Variants in INSL6 observed in about 807,000 individuals in gnomAD.
INSL6 encodes the protein insulin like 6.
In INSL6, 16 loss-of-function variants were observed where a neutral mutation model predicts 9.4. The observed-to-expected ratio is 1.70, with a 90% confidence interval of 1.15 to 2.59. INSL6 has a LOEUF of 2.59. INSL6 is among the 30% of genes most tolerant of loss of function. The probability of loss-of-function intolerance (pLI) is 0.00; values close to 1 mark genes in which losing one functional copy is unlikely to be tolerated. For missense variants in INSL6, 391 were observed against 257.3 expected, an observed-to-expected ratio of 1.52 and a Z score of -3.56; for synonymous variants, 154 against 96.9, an observed-to-expected ratio of 1.59 and a Z score of -3.46.
chr9:5,089,080 C>G, the INSL6 span, among the ~76,000 whole-genome samples: 5 of 152,286 alleles, frequency 3.3e-5, no homozygotes, highest in African/African-American at 9.6e-5. Flanking sequence ...TGTCCCTTGG[C>G]TTATCTTGAC....
the INSL6 span, among the ~76,000 whole-genome samples, chr9:4,998,252 C>T: frequency 6.6e-5 from 10 of 151,948 alleles, no homozygotes; most frequent in African/African-American, 1.9e-4. Context: ...AAAACTCCAA[C>T]GGGTTTTTTT....
downstream of INSL6, among the ~76,000 whole-genome samples, chr9:5,161,125 A>C (rs980298855): frequency 1.3e-5 from 2 of 152,188 alleles, no homozygotes; most frequent in African/African-American, 4.8e-5. Flanking sequence ...AAACAAAGGC[A>C]CATCAAAAAA....
the INSL6 span, among the ~76,000 whole-genome samples, chr9:5,013,665 T>C: frequency 5.3e-5 from 8 of 152,238 alleles, no homozygotes; most frequent in African/African-American, 1.7e-4. Flanking sequence ...AAAATTCTAT[T>C]TTCCTTTTAA....
At chr9:5,014,568 A>G in the INSL6 span, among the ~76,000 whole-genome samples, 1 of 152,198 alleles carries the variant, frequency 6.6e-6, no homozygotes, top group Non-Finnish European at 1.5e-5. Flanking sequence ...TGGTTGGAGC[A>G]GGGACTGATG....
At chr9:5,104,720 C>G in the INSL6 span, among the ~76,000 whole-genome samples, 3 of 152,166 alleles carry the variant, frequency 2.0e-5, no homozygotes, top group African/African-American at 7.2e-5. Context: ...ACGATCAAGT[C>G]GGCTTCATCC....
chr9:5,063,125 A>G, the INSL6 span, among the ~76,000 whole-genome samples: 1 of 152,034 alleles, frequency 6.6e-6, no homozygotes, highest in Non-Finnish European at 1.5e-5. Flanking sequence ...TGAGGACTCT[A>G]TTCTGTGTTC....
At chr9:5,165,272 A>G (rs1429978146) in intron 1 of INSL6, among the ~76,000 whole-genome samples, 3 of 152,196 alleles carry the variant, frequency 2.0e-5, no homozygotes, top group East Asian at 3.8e-4. Flanking sequence ...TTGTGTGAAC[A>G]TATGTTTTGA....
chr9:5,080,750 C>G, the INSL6 span: 1 of 1,227,214 alleles, frequency 8.1e-7, no homozygotes, highest in Non-Finnish European at 1.1e-6. Context: ...TGAATCATTA[C>G]TAATTTTTAA....
chr9:5,093,765 A>ATAAT, the INSL6 span, among the ~76,000 whole-genome samples: 1 of 152,160 alleles, frequency 6.6e-6, no homozygotes, highest in Non-Finnish European at 1.5e-5. Flanking sequence ...TATCATATCA[A>ATAAT]TAATAGGGTT....
At chr9:5,176,733 A>G (rs908794661) in intron 1 of INSL6, among the ~76,000 whole-genome samples, 9 of 143,748 alleles carry the variant, frequency 6.3e-5, no homozygotes, top group Admixed American at 4.8e-4. Context: ...AAAAAAAAAA[A>G]TGGTATAAGT....
Position 5,164,241 on chromosome 9 carries a change from ACTG to A in INSL6, c.311_313del (p.Ala104del). 1 of 1,606,352 alleles carries A rather than the reference ACTG, an allele frequency of 6.2e-7. No homozygotes were observed. The highest frequency in any genetic ancestry group is 8.5e-7 in the Non-Finnish European group (1 of 1,177,086). On this transcript the variant is annotated inframe_deletion, in exon 2 of 2. Coordinates refer to ENST00000381641, the MANE Select transcript of INSL6 (RefSeq NM_007179.3). Reference sequence around the variant, plus strand: ...TAGTGACTGCATTTCCCAACTGTTTACTGCTTCTTCCCAAGAAGTAGACACTGT... The same window carrying A: ...TAGTGACTGCATTTCCCAACTGTTTACTTCTTCCCAAGAAGTAGACACTGT...
chr9:5,067,333 A>G, the INSL6 span, among the ~76,000 whole-genome samples: 1 of 152,190 alleles, frequency 6.6e-6, no homozygotes, highest in African/African-American at 2.4e-5. Flanking sequence ...CACTGTTAAT[A>G]CAGATCATTT....
chr9:5,054,798 A>G, the INSL6 span: 2 of 1,613,124 alleles, frequency 1.2e-6, no homozygotes, highest in Admixed American at 1.7e-5. This position sits in a 1 kb window ranked among gnomAD's most constrained non-coding sequence, Gnocchi z 4.9. Flanking sequence ...AGGTGAGGAG[A>G]TTTTTGCAAC....
the INSL6 span, among the ~76,000 whole-genome samples, chr9:5,092,218 CAAG>C: frequency 2.0e-5 from 3 of 152,070 alleles, no homozygotes; most frequent in African/African-American, 7.2e-5. Flanking sequence ...TCTAAGGGCT[CAAG>C]GAGGATTTAG....
chr9:5,079,856 G>A, the INSL6 span, among the ~76,000 whole-genome samples: 1 of 151,866 alleles, frequency 6.6e-6, no homozygotes. Flanking sequence ...TAAAACTAAT[G>A]GAAAGAGGTT....
rs117699983 is a variant in INSL6 at position 5,138,597 on chromosome 9, G to A, written c.377-5005C>T. Among the ~76,000 whole-genome samples the A allele has an allele frequency of 2.6e-4, 40 of 151,952 alleles. 1 individual carries two copies. In the East Asian group the frequency reaches 4.1e-3, roughly 15 times the overall value. On this transcript the variant is annotated intron_variant, in intron 2 of 3. Transcript: ENST00000649639. ...GGCCTGTTGGGCAGTGGGGGGCTAGGGAGCTATTGCATTAGGAGAAATGCC... is the reference window on the plus strand; with the variant it reads ...GGCCTGTTGGGCAGTGGGGGGCTAGAGAGCTATTGCATTAGGAGAAATGCC...
At chr9:5,097,293 C>G in the INSL6 span, 9 of 152,138 alleles carry the variant, frequency 5.9e-5, no homozygotes, top group African/African-American at 1.9e-4. Flanking sequence ...ATTAACTGAC[C>G]GTAACCTCAA....
intron 2 of INSL6, among the ~76,000 whole-genome samples, chr9:5,150,159 AG>A (rs1824682984): frequency 6.6e-6 from 1 of 152,222 alleles, no homozygotes; most frequent in Non-Finnish European, 1.5e-5. Flanking sequence ...AGAAAATCTC[AG>A]AAAAACTTTT....
the INSL6 span, among the ~76,000 whole-genome samples, chr9:5,042,462 G>A: frequency 1.3e-5 from 2 of 152,116 alleles, no homozygotes; most frequent in African/African-American, 4.8e-5. Context: ...TTCTACACCT[G>A]TGTCTAGTCC....
Sources: allele counts gnomAD v4.1 joint callset (sites outside exome capture counted in the v4.1 genomes callset), GRCh38; gene constraint gnomAD v4.1.1; non-coding constraint Gnocchi (gnomAD v3.1); transcripts MANE v1.5; gene names NCBI Gene and HGNC (gene_info 2026-07-23, HGNC 2026-07-21).